OR7E24: variants seen among roughly 807,000 people sequenced by gnomAD.
OR7E24 encodes olfactory receptor family 7 subfamily E member 24.
For missense variants in OR7E24, 385 were observed against 410.3 expected, an observed-to-expected ratio of 0.94 and a Z score of 0.53; for synonymous variants, 130 against 157.5, an observed-to-expected ratio of 0.83 and a Z score of 1.31.
chr19:9,222,714 TTTCTA>T, the OR7E24 span, among the ~76,000 whole-genome samples: 7 of 152,320 alleles, frequency 4.6e-5, no homozygotes, highest in Admixed American at 6.5e-5. Context: ...TCTTCAGAGT[TTTCTA>T]TACATAAGGT....
chr19:9,237,935 T>C, the OR7E24 span, among the ~76,000 whole-genome samples: 1 of 152,142 alleles, frequency 6.6e-6, no homozygotes, highest in Non-Finnish European at 1.5e-5. Context: ...TCCAGCAATG[T>C]ATAAAGTTCT....
At chr19:9,211,215 G>A in the OR7E24 span, 4 of 152,292 alleles carry the variant, frequency 2.6e-5, no homozygotes, top group African/African-American at 9.6e-5. Flanking sequence ...CCATTGTCCT[G>A]CAAGAACCTA....
At chr19:9,247,644 GGGGTTTATTTTCA>G (rs1206149298), upstream of OR7E24, 19 of 397,830 alleles carry the variant, frequency 4.8e-5, 1 homozygote, top group South Asian at 1.3e-3. Flanking sequence ...GTTTATGTTC[GGGGTTTATTTTCA>G]GGGTTTATGT....
the OR7E24 span, among the ~76,000 whole-genome samples, chr19:9,242,253 G>C: frequency 4.0e-5 from 6 of 151,888 alleles, no homozygotes; most frequent in Non-Finnish European, 7.4e-5. Flanking sequence ...TTTTGTTTTT[G>C]TTTTGTTTTG....
the OR7E24 span, among the ~76,000 whole-genome samples, chr19:9,224,174 A>C: frequency 2.0e-5 from 3 of 151,932 alleles, no homozygotes; most frequent in Non-Finnish European, 4.4e-5. Flanking sequence ...CTACACGTGC[A>C]GCTTTCTCAT....
At chr19:9,231,346 C>T in the OR7E24 span, among the ~76,000 whole-genome samples, 9 of 152,228 alleles carry the variant, frequency 5.9e-5, no homozygotes, top group Middle Eastern at 0.01. Context: ...CTTTGGGAGG[C>T]CAAGGCGGGT....
the OR7E24 span, among the ~76,000 whole-genome samples, chr19:9,222,732 T>A: frequency 6.6e-6 from 1 of 152,192 alleles, no homozygotes; most frequent in Non-Finnish European, 1.5e-5. Flanking sequence ...CATAAGGTCA[T>A]GTCATCTGCA....
At chr19:9,245,254 A>G (rs1489099842), upstream of OR7E24, among the ~76,000 whole-genome samples, 3 of 152,012 alleles carry the variant, frequency 2.0e-5, no homozygotes, top group Non-Finnish European at 4.4e-5. Context: ...ACTTGAATAG[A>G]CATTTCTCTA....
In OR7E24 at chr19:9,251,014, A is replaced by G; in HGVS notation, c.-30A>G. 2.0e-6 allele frequency: 3 copies of G among 1,478,158 alleles called. No homozygotes were observed. The South Asian group carries it at 4.1e-5, about 20-fold the overall frequency. 91.6% of individuals were successfully genotyped at this position (1,478,158 alleles called of 1,614,324 possible). On this transcript the variant is annotated 5_prime_UTR_variant, in exon 1 of 1. It adds an upstream start codon to the 5' untranslated region. Coordinates refer to ENST00000456448, the MANE Select transcript of OR7E24 (RefSeq NM_001079935.2). ...TTTCTTAATTGCTTGTATCCAAAAT[A>G]TAGACACAGTGCTAGATGCTGGTTT...
chr19:9,229,175 A>T, the OR7E24 span, among the ~76,000 whole-genome samples: 1 of 152,254 alleles, frequency 6.6e-6, no homozygotes, highest in Middle Eastern at 3.4e-3. Context: ...AAATCTCCAA[A>T]GTTTCTTCAA....
chr19:9,240,761 GT>G, the OR7E24 span, among the ~76,000 whole-genome samples: 1 of 151,784 alleles, frequency 6.6e-6, no homozygotes, highest in African/African-American at 2.4e-5. Flanking sequence ...ATTCCTGTAT[GT>G]TTTTTTCTAA....
At chr19:9,249,955 T>C (rs1478486692), upstream of OR7E24, among the ~76,000 whole-genome samples, 1 of 151,740 alleles carries the variant, frequency 6.6e-6, no homozygotes, top group African/African-American at 2.4e-5. Flanking sequence ...ACTTCGAGAC[T>C]CAGGTCTTAA....
the OR7E24 span, chr19:9,207,585 G>T: frequency 6.6e-6 from 1 of 152,236 alleles, no homozygotes; most frequent in Admixed American, 6.5e-5. Flanking sequence ...GAAGAAATAA[G>T]TTCCAGCGTT....
chr19:9,233,907 C>CTT, the OR7E24 span, among the ~76,000 whole-genome samples: 100,186 of 143,626 alleles, frequency 0.7, 36,933 homozygotes, highest in East Asian at 0.83. Context: ...ACATGTCTTT[C>CTT]TTTTTTTTTT....
the OR7E24 span, chr19:9,209,237 G>T: frequency 2.0e-5 from 3 of 152,140 alleles, no homozygotes; most frequent in South Asian, 6.2e-4. Context: ...TCATATATTG[G>T]GCTCTTAAAC....
the OR7E24 span, among the ~76,000 whole-genome samples, chr19:9,237,249 A>G: frequency 6.6e-6 from 1 of 150,580 alleles, no homozygotes; most frequent in Admixed American, 6.6e-5. Context: ...TCCCTTCTTT[A>G]TCTTAGTCTC....
At chr19:9,227,110 C>T in the OR7E24 span, among the ~76,000 whole-genome samples, 3 of 152,146 alleles carry the variant, frequency 2.0e-5, no homozygotes, top group African/African-American at 7.2e-5. Context: ...GTGTTCCCAT[C>T]ATTTAGCTTT....
At chr19:9,211,756 C>G in the OR7E24 span, 1 of 113,078 alleles carries the variant, frequency 8.8e-6, no homozygotes, top group Admixed American at 1.3e-4. Flanking sequence ...GCCTGGGCGA[C>G]AGAGCAAGAC....
chr19:9,243,522 G>T (rs2066121695), upstream of OR7E24, among the ~76,000 whole-genome samples: 1 of 152,010 alleles, frequency 6.6e-6, no homozygotes, highest in Non-Finnish European at 1.5e-5. Context: ...ACTCAGGCTT[G>T]TCTTGAAATC....
Sources: allele counts gnomAD v4.1 joint callset (sites outside exome capture counted in the v4.1 genomes callset), GRCh38; gene constraint gnomAD v4.1.1; transcripts MANE v1.5; gene names NCBI Gene and HGNC (gene_info 2026-07-23, HGNC 2026-07-21).